NKAIN2: variants seen among roughly 807,000 people sequenced by gnomAD.
NKAIN2 encodes sodium/potassium-transporting ATPase subunit beta-1-interacting protein 2.
A neutral mutation model predicts 32.6 loss-of-function variants in NKAIN2; 14 were observed. That is an observed-to-expected ratio of 0.43 (90% CI 0.28 to 0.67). The LOEUF (loss-of-function observed/expected upper bound fraction) is 0.67, where lower values mean the gene tolerates loss of function less well. Ranked by LOEUF, NKAIN2 falls within the 30% of genes least tolerant of loss-of-function variation. NKAIN2 has a pLI of 0.17. For synonymous variants in NKAIN2, 80 were observed against 87.2 expected (o/e 0.92, Z 0.46); for missense variants, 198 against 258.3 (o/e 0.77, Z 1.60).
chr6:124,192,762 T>G (rs1337615841), intron 1 of NKAIN2, among the ~76,000 whole-genome samples: 4 of 143,422 alleles, frequency 2.8e-5, no homozygotes, highest in Non-Finnish European at 6.1e-5. Flanking sequence ...TTTTTTTTTT[T>G]TTTTTGAGAC....
intron 1 of NKAIN2, among the ~76,000 whole-genome samples, chr6:124,205,719 T>C (rs1582845359): frequency 6.6e-6 from 1 of 151,908 alleles, no homozygotes; most frequent in East Asian, 1.9e-4. Context: ...GGCATGGATC[T>C]ACACATAAGA....
intron 4 of NKAIN2, among the ~76,000 whole-genome samples, chr6:124,772,373 G>C (rs1583834670): frequency 6.6e-6 from 1 of 152,262 alleles, no homozygotes; most frequent in African/African-American, 2.4e-5. Flanking sequence ...ACGAGGGCCA[G>C]AGTTAAGGGG....
In NKAIN2 at chr6:124,414,473, T is replaced by A. The variant is rs1774370180; in HGVS notation, c.273+59126T>A. ...ATTGGTCTATAATTTTCGTTACTTG[T>A]ATTTCTTGTCCAATCTTGATAGGAG... On this transcript the variant is annotated intron_variant, in intron 3 of 6. Coordinates refer to ENST00000368417, the MANE Select transcript of NKAIN2 (RefSeq NM_001040214.3). Among the ~76,000 whole-genome samples the A allele has an allele frequency of 1.3e-5, 2 of 152,144 alleles. 1 individual carries two copies. Among genetic ancestry groups the A allele is most frequent in the South Asian group, 4.1e-4 (2 of 4,830 alleles).
At chr6:124,394,778 CT>C (rs1359744342) in intron 3 of NKAIN2, among the ~76,000 whole-genome samples, 1 of 152,036 alleles carries the variant, frequency 6.6e-6, no homozygotes, top group Non-Finnish European at 1.5e-5. Context: ...ATATGCTTTA[CT>C]CAGTCTATGA....
intron 1 of NKAIN2, among the ~76,000 whole-genome samples, chr6:124,192,788 C>T (rs1276644494): frequency 3.4e-5 from 4 of 118,862 alleles, no homozygotes; most frequent in South Asian, 2.8e-4. Flanking sequence ...CTCGCTCTGT[C>T]GCCCAGGCTG....
intron 1 of NKAIN2, among the ~76,000 whole-genome samples, chr6:123,923,944 TAATAAAAATA>T (rs1175570837): frequency 0.018 from 2,600 of 143,172 alleles, 79 homozygotes; most frequent in African/African-American, 0.061. Context: ...AGTATAATAA[TAATAAAAATA>T]AAAAAAATTA....
At chr6:124,595,805 C>A (rs1027184491) in intron 3 of NKAIN2, among the ~76,000 whole-genome samples, 5 of 152,158 alleles carry the variant, frequency 3.3e-5, no homozygotes, top group South Asian at 2.1e-4. Flanking sequence ...AGACAGCATA[C>A]TTTAAGAATG....
intron 3 of NKAIN2, among the ~76,000 whole-genome samples, chr6:124,567,937 T>A (rs1780982231): frequency 6.6e-6 from 1 of 152,228 alleles, no homozygotes; most frequent in Non-Finnish European, 1.5e-5. Flanking sequence ...GTCCCTCTGC[T>A]TCAAGCTGTG....
intron 1 of NKAIN2, among the ~76,000 whole-genome samples, chr6:124,241,166 C>T (rs1027035227): frequency 6.6e-6 from 1 of 152,048 alleles, no homozygotes. Context: ...AATAAAATAC[C>T]TAGAAATACA....
intron 1 of NKAIN2, among the ~76,000 whole-genome samples, chr6:124,052,864 A>T (rs138353167): frequency 6.4e-4 from 98 of 152,090 alleles, no homozygotes; most frequent in Non-Finnish European, 1.2e-3. Context: ...CTTTTGGTTA[A>T]TCTCTACTCC....
chr6:124,774,469 A>G (rs1583838809), intron 4 of NKAIN2, among the ~76,000 whole-genome samples: 1 of 152,142 alleles, frequency 6.6e-6, no homozygotes, highest in East Asian at 1.9e-4. Context: ...GCAGGATTGT[A>G]GTTTGCACAT....
rs1226961918 is a variant in NKAIN2 at position 123,976,330 on chromosome 6, C to CATATATATATAT, written c.54+172077_54+172088dup. 2.9e-4 allele frequency among the ~76,000 whole-genome samples: 10 copies of CATATATATATAT among 34,650 alleles called. 2 individuals are homozygous for CATATATATATAT. The highest frequency in any genetic ancestry group is 4.7e-4 in the African/African-American group (4 of 8,590). 22.7% of individuals were successfully genotyped at this position (34,650 alleles called of 152,430 possible). On this transcript the variant is annotated intron_variant, in intron 1 of 6. Transcript: ENST00000368417. The stretch of plus-strand genomic sequence containing the variant: ...ATGTTTCCATATATATATATGTTCC[C>CATATATATATAT]ATATATATATATGTTCCCATATATA...
intron 1 of NKAIN2, among the ~76,000 whole-genome samples, chr6:123,928,040 A>G (rs1776083887): frequency 1.3e-5 from 2 of 152,302 alleles, no homozygotes; most frequent in Middle Eastern, 3.4e-3. Context: ...CTAGTGGTAC[A>G]TATATACCAT....
At chr6:124,661,419 CCTTT>C (rs1784740732) in intron 4 of NKAIN2, among the ~76,000 whole-genome samples, 1 of 152,168 alleles carries the variant, frequency 6.6e-6, no homozygotes, top group Non-Finnish European at 1.5e-5. Context: ...CCTCATTCAG[CCTTT>C]CTTTCACAGA....
intron 1 of NKAIN2, among the ~76,000 whole-genome samples, chr6:123,928,006 A>G (rs1338158726): frequency 1.3e-5 from 2 of 152,180 alleles, no homozygotes; most frequent in African/African-American, 4.8e-5. Flanking sequence ...AAAAGGAAAA[A>G]GAGATAATGA....
In NKAIN2 at chr6:124,783,616, C is replaced by G. The variant is rs1180451938; in HGVS notation, c.475-7723C>G. 2.0e-5 allele frequency among the ~76,000 whole-genome samples: 3 copies of G among 152,198 alleles called. No individual in the cohort carries two copies. The East Asian group carries it at 5.8e-4, about 29-fold the overall frequency. On this transcript the variant is annotated intron_variant, in intron 4 of 6. Transcript: ENST00000368417. ...AATTTGCAGTGTGTTCCACAATAGTCCAGCCAGTGGATTAGTATGAGATAA... is the reference window on the plus strand; with the variant it reads ...AATTTGCAGTGTGTTCCACAATAGTGCAGCCAGTGGATTAGTATGAGATAA...
At chr6:124,381,378 C>T (rs1772627284) in intron 3 of NKAIN2, among the ~76,000 whole-genome samples, 1 of 152,052 alleles carries the variant, frequency 6.6e-6, no homozygotes, top group African/African-American at 2.4e-5. Flanking sequence ...TTACAGTTCT[C>T]AGTAATATTT....
chr6:124,169,955 G>A (rs1461675078), intron 1 of NKAIN2, among the ~76,000 whole-genome samples: 2 of 152,118 alleles, frequency 1.3e-5, no homozygotes, highest in African/African-American at 4.8e-5. Flanking sequence ...AATAGATTTA[G>A]TTAGGGAACT....
In NKAIN2 at chr6:124,141,577, A is replaced by G. The variant is rs1252446645; in HGVS notation, c.55-141428A>G. Among the ~76,000 whole-genome samples the G allele has an allele frequency of 4.6e-5, 7 of 151,510 alleles. No individual in the cohort carries two copies. The East Asian group carries it at 1.4e-3, about 30-fold the overall frequency. On this transcript the variant is annotated intron_variant, in intron 1 of 6. Coordinates refer to ENST00000368417, the MANE Select transcript of NKAIN2 (RefSeq NM_001040214.3). ...GATTAACACGGTCAGTTCATATTCT[A>G]TTTTCTTGCTCATTTTTTTTTCTCC... is the stretch of plus-strand genomic sequence containing the variant.
Sources: gnomAD v4.1 joint callset for allele counts (sites outside exome capture counted in the v4.1 genomes callset) on GRCh38, gnomAD v4.1.1 for gene constraint, MANE v1.5 for transcripts, NCBI Gene and HGNC (gene_info 2026-07-23, HGNC 2026-07-21) for gene names.